Variants in HYAL4 observed in about 807,000 individuals in gnomAD.
HYAL4 encodes hyaluronidase-4.
Under a neutral mutation model 35.2 loss-of-function variants are expected in HYAL4, and 37 were observed. The observed-to-expected ratio is 1.05, with a 90% CI of 0.81 to 1.38. The LOEUF (loss-of-function observed/expected upper bound fraction) is 1.38. Among genes scored for constraint, HYAL4 ranks in the 40% most tolerant of loss-of-function variants. The pLI is 0.00. For synonymous variants in HYAL4, 198 were observed against 203.2 expected, an observed-to-expected ratio of 0.97 and a Z score of 0.22; for missense variants, 572 against 572.4, an observed-to-expected ratio of 1.00 and a Z score of 0.01.
intron 1 of HYAL4, among the ~76,000 whole-genome samples, 184 bp from the exon 2 acceptor site, chr7:123,847,903 GTT>G (rs1217745313): frequency 6.6e-6 from 1 of 152,106 alleles, no homozygotes; most frequent in Admixed American, 6.5e-5. Flanking sequence ...AAGAGTCAAA[GTT>G]TTCTTTCTTC....
intron 1 of HYAL4, among the ~76,000 whole-genome samples, chr7:123,847,085 A>C (rs912289308): frequency 1.3e-5 from 2 of 152,164 alleles, no homozygotes; most frequent in African/African-American, 4.8e-5. Flanking sequence ...TTCTGGAGCA[A>C]AAGTTCACAA....
chr7:123,867,492 G>A (rs1439450765), intron 2 of HYAL4, among the ~76,000 whole-genome samples: 2 of 151,994 alleles, frequency 1.3e-5, no homozygotes, highest in Non-Finnish European at 2.9e-5. Context: ...TTGGTTTACC[G>A]AGAAAGGAAC....
upstream of HYAL4, among the ~76,000 whole-genome samples, chr7:123,827,158 A>G (rs1562989848): frequency 6.6e-6 from 1 of 152,122 alleles, no homozygotes; most frequent in Non-Finnish European, 1.5e-5. Context: ...GTACAGCTAT[A>G]GAAGAGAAGA....
chr7:123,803,197 G>C, the HYAL4 span, among the ~76,000 whole-genome samples: 3 of 152,214 alleles, frequency 2.0e-5, no homozygotes, highest in African/African-American at 7.2e-5. Flanking sequence ...GCTGAGATAG[G>C]AGGATTGATT....
the HYAL4 span, among the ~76,000 whole-genome samples, chr7:123,809,279 T>A: frequency 6.6e-6 from 1 of 152,198 alleles, no homozygotes; most frequent in Non-Finnish European, 1.5e-5. Context: ...CAAATACATC[T>A]TCTCTGAGTT....
chr7:123,781,174 C>A, the HYAL4 span, among the ~76,000 whole-genome samples: 1 of 39,520 alleles, frequency 2.5e-5, no homozygotes, highest in Admixed American at 3.0e-4. Context: ...CGGTATAAAA[C>A]CCGATTGTAT....
At chr7:123,769,160 C>T in the HYAL4 span, among the ~76,000 whole-genome samples, 1 of 152,104 alleles carries the variant, frequency 6.6e-6, no homozygotes, top group African/African-American at 2.4e-5. Context: ...ATTATGGGTT[C>T]AAGCAAGAGG....
the HYAL4 span, chr7:123,814,598 C>T: frequency 6.6e-6 from 1 of 152,540 alleles, no homozygotes; most frequent in Non-Finnish European, 1.5e-5. Context: ...ATATAAAAAC[C>T]ACTCTTTAGC....
chr7:123,868,362 A>G lies in HYAL4; in HGVS notation c.89A>G (p.Lys30Arg). ...TGGCTCCTTATATTTTTTATTCTAAAGTCTATCTCTTGTCTAAAACCTGCT... is the reference window on the plus strand; with the variant it reads ...TGGCTCCTTATATTTTTTATTCTAAGGTCTATCTCTTGTCTAAAACCTGCT... ...TSWLLIFFIL[K>R]SISCLKPARL... is the part of the protein sequence containing the mutation. Residue 30 changes from lysine (K) to arginine (R), a missense_variant, in exon 3 of 5, where the codon AAG becomes AGG. Transcript: ENST00000223026. The G allele has an allele frequency of 6.2e-7, 1 of 1,606,636 alleles. No individual in the cohort carries two copies.
Position 123,873,253 on chromosome 7 carries a change from C to T in HYAL4, c.955-1508C>T, listed in dbSNP as rs192343144. On this transcript the variant is annotated intron_variant, in intron 3 of 4. Transcript: ENST00000223026. ...TTTATACTATCTCATTTGAGCCTCT[C>T]AAAACCTCCTCTCCTTCCTTTCATG... is the stretch of plus-strand genomic sequence containing the variant. Among the ~76,000 whole-genome samples the T allele has an allele frequency of 6.6e-4, 100 of 152,234 alleles. No homozygotes were observed. The Middle Eastern group carries it at 0.014, about 21-fold the overall frequency.
At chr7:123,819,634 ATTCTAAT>A in the HYAL4 span, among the ~76,000 whole-genome samples, 7 of 152,258 alleles carry the variant, frequency 4.6e-5, no homozygotes, top group East Asian at 7.7e-4. Context: ...GAGCACAATC[ATTCTAAT>A]CAGACAGCTA....
rs911382277 is a variant in HYAL4, at chr7:123,848,170, T to A, written c.-52+12T>A. 6.6e-6 allele frequency: 1 copy of A among 152,480 alleles called. No individual in the cohort carries two copies. The highest frequency in any genetic ancestry group is 1.5e-5 in the Non-Finnish European group (1 of 68,002). The allele number at this position is 152,480 out of a possible 1,614,324, so 9.4% of individuals were successfully genotyped here. A position where few individuals can be genotyped will look rare whatever the true frequency, so the allele number is the denominator to read the frequency against. ...AAACAAAAGCAAAGGTAAAATAGAC[T>A]TTTTTTTCCTGTTTGTAAAAATTTT... On this transcript the variant is annotated intron_variant, in intron 2 of 4. Transcript: ENST00000223026.
intron 4 of HYAL4, among the ~76,000 whole-genome samples, chr7:123,875,470 G>A (rs901033400): frequency 6.6e-6 from 1 of 151,856 alleles, no homozygotes; most frequent in Non-Finnish European, 1.5e-5. Context: ...CAGCCTGACT[G>A]ACATGAAGAA....
upstream of HYAL4, among the ~76,000 whole-genome samples, chr7:123,843,194 G>A (rs1806103166): frequency 6.6e-6 from 1 of 151,894 alleles, no homozygotes; most frequent in East Asian, 1.9e-4. Flanking sequence ...GGCAGGCCTG[G>A]TCCTGACAAA....
At position 123,869,153 on chromosome 7, in the gene HYAL4, C is replaced by T. The variant is rs376271207; in HGVS notation, c.880C>T (p.His294Tyr). Residue 294 changes from histidine (H) to tyrosine (Y), a missense_variant, in exon 3 of 5, where the codon CAT becomes TAT. Transcript: ENST00000223026. The part of the protein sequence containing the change: ...ESMRISTMTS[H>Y]DYALPVFVYT... ...CATGAGGATCTCCACCATGACATCT[C>T]ATGATTATGCTCTGCCTGTATTTGT... 83 of 1,613,986 alleles carry T rather than the reference C, an allele frequency of 5.1e-5. No homozygotes were observed. Among genetic ancestry groups the T allele is most frequent in the Non-Finnish European group, 6.9e-5 (82 of 1,180,022 alleles).
intron 2 of HYAL4, among the ~76,000 whole-genome samples, chr7:123,856,884 C>T (rs1806448887): frequency 1.3e-5 from 2 of 152,176 alleles, no homozygotes; most frequent in African/African-American, 2.4e-5. Context: ...ATGCCCTGCC[C>T]AGAGAGGAGG....
chr7:123,804,652 T>C, the HYAL4 span, among the ~76,000 whole-genome samples: 1 of 152,172 alleles, frequency 6.6e-6, no homozygotes, highest in Non-Finnish European at 1.5e-5. Flanking sequence ...ATTCCATGTG[T>C]GCACACACAC....
chr7:123,787,737 T>C, the HYAL4 span, among the ~76,000 whole-genome samples: 1 of 152,214 alleles, frequency 6.6e-6, no homozygotes, highest in African/African-American at 2.4e-5. Flanking sequence ...AGTTTAATTT[T>C]GTCCCTAAGA....
chr7:123,868,383 C>T lies in HYAL4; in HGVS notation c.110C>T (p.Pro37Leu), dbSNP rs1483284095. 6.2e-7 allele frequency: 1 copy of T among 1,612,632 alleles called. No homozygotes were observed. Among genetic ancestry groups the T allele is most frequent in the Non-Finnish European group, 8.5e-7 (1 of 1,179,244 alleles). Residue 37 changes from proline (P) to leucine (L), a missense_variant, in exon 3 of 5, where the codon CCT becomes CTT. Pro to Leu is a moderately conservative substitution (Grantham distance 98, BLOSUM62 -3). Coordinates refer to ENST00000223026, the MANE Select transcript of HYAL4 (RefSeq NM_012269.3). Reference sequence around the variant, plus strand: ...CTAAAGTCTATCTCTTGTCTAAAACCTGCTCGACTTCCAATTTATCAAAGG... The same window carrying T: ...CTAAAGTCTATCTCTTGTCTAAAACTTGCTCGACTTCCAATTTATCAAAGG... ...FILKSISCLKPARLPIYQRKP... is the reference protein window; with the variant it reads ...FILKSISCLKLARLPIYQRKP...
Sources: allele counts gnomAD v4.1 joint callset (sites outside exome capture counted in the v4.1 genomes callset), GRCh38; gene constraint gnomAD v4.1.1; transcripts MANE v1.5; gene names NCBI Gene and HGNC (gene_info 2026-07-23, HGNC 2026-07-21).